Variants in APBB1 observed in about 807,000 individuals in gnomAD.
APBB1 encodes amyloid beta precursor protein binding family B member 1.
A neutral mutation model predicts 78.4 loss-of-function variants in APBB1; 22 were observed. The ratio of observed to expected loss-of-function variants is 0.28; its 90% confidence interval spans 0.20 to 0.40. The LOEUF is 0.40. Ranked by LOEUF, APBB1 falls within the 10% of genes least tolerant of loss-of-function variation. APBB1 has a pLI of 1.00. For synonymous variants in APBB1, 369 were observed against 372.7 expected (o/e 0.99, Z 0.12); for missense variants, 749 against 932.4 (o/e 0.80, Z 2.56).
At chr11:6,402,904 C>A (rs1848604540) in intron 6 of APBB1, 179 bp from the exon 7 acceptor site, 2 of 828,844 alleles carry the variant, frequency 2.4e-6, no homozygotes, top group East Asian at 5.4e-5. Flanking sequence ...AGATGAGACC[C>A]CAGCTAGTAC....
At chr11:6,396,019 C>A in intron 13 of APBB1, 57 bp from the exon 14 acceptor site, 2 of 1,602,022 alleles carry the variant, frequency 1.2e-6, no homozygotes, top group Non-Finnish European at 1.7e-6. Context: ...TGTTCCACAT[C>A]CATCTTAGCA....
intron 1 of APBB1, 72 bp downstream of exon 1, chr11:6,418,913 T>C (rs1037282557): frequency 6.7e-5 from 25 of 373,234 alleles, no homozygotes; most frequent in African/African-American, 5.1e-4. Context: ...GGGTAGGGGC[T>C]ACAGGGTCCG....
Position 6,395,183 on chromosome 11 carries a change from G to A in APBB1, c.*351C>T, listed in dbSNP as rs1025858354. On this transcript the variant is annotated 3_prime_UTR_variant, in exon 15 of 15. Coordinates refer to ENST00000609360, the MANE Select transcript of APBB1 (RefSeq NM_001164.5). The surrounding 1 kb of genome is among the most constrained non-coding windows in gnomAD (Gnocchi z 5.2). The stretch of plus-strand genomic sequence containing the variant: ...ACAGCAGAGGTGCCCATGGAGCAGG[G>A]GGAAGGGACCCATGCCTGGACCAGT... 3.9e-6 allele frequency: 1 copy of A among 253,946 alleles called. No individual in the cohort carries two copies. Among genetic ancestry groups the A allele is most frequent in the Non-Finnish European group, 7.6e-6 (1 of 132,324 alleles). 15.7% of individuals were successfully genotyped at this position (253,946 alleles called of 1,614,324 possible). A position where few individuals can be genotyped will look rare whatever the true frequency, so the allele number is the denominator to read the frequency against.
At chr11:6,398,083 G>A (rs1180116231) in intron 12 of APBB1, among the ~76,000 whole-genome samples, 1 of 152,202 alleles carries the variant, frequency 6.6e-6, no homozygotes, top group East Asian at 1.9e-4. Flanking sequence ...TGGGAAGTTT[G>A]GCAGGGAAGC....
chr11:6,401,906 G>A lies in APBB1; in HGVS notation c.1388+71C>T, dbSNP rs1484458654. 5 of 1,548,466 alleles carry A rather than the reference G, an allele frequency of 3.2e-6. No individual in the cohort carries two copies. The Admixed American group carries it at 7.1e-5, about 22-fold the overall frequency. On this transcript the variant is annotated intron_variant, in intron 9 of 14. Coordinates refer to ENST00000609360, the MANE Select transcript of APBB1 (RefSeq NM_001164.5). This position sits in a 1 kb window ranked among gnomAD's most constrained non-coding sequence, Gnocchi z 4.5. Reference sequence around the variant, plus strand: ...AGCATAGCGGGTGGGAAGGGGCAGGGCAGAAGAGGGGAGCTTGGGTGCTTC... The same window carrying A: ...AGCATAGCGGGTGGGAAGGGGCAGGACAGAAGAGGGGAGCTTGGGTGCTTC...
rs1349575692 is a variant in APBB1 at position 6,395,911 on chromosome 11, C to T, written c.1840G>A (p.Val614Met). ...GCAAACGTGTGGACATCTCTGCCCA[C>T]GGCCAGGAAGGAGAGGAAACGCACC... is the stretch of plus-strand genomic sequence containing the variant. ...CRVRFLSFLA[V>M]GRDVHTFAFI... The change falls in exon 14 of 15, where the codon GTG becomes ATG. Residue 614 changes from valine (V) to methionine (M), a missense_variant. By Grantham distance (21) the Val-to-Met change is conservative. Around this residue, in one of 3 missense-constraint regions of APBB1, gnomAD observed 18 missense variants for 51.4 expected, o/e 0.35. Transcript: ENST00000609360. This position sits in a 1 kb window ranked among gnomAD's most constrained non-coding sequence, Gnocchi z 5.2. 2.5e-6 allele frequency: 4 copies of T among 1,613,954 alleles called. No homozygotes were observed. Among genetic ancestry groups the T allele is most frequent in the Non-Finnish European group, 3.4e-6 (4 of 1,179,990 alleles).
At chr11:6,408,333 A>T (rs1848870956) in intron 2 of APBB1, among the ~76,000 whole-genome samples, 1 of 152,150 alleles carries the variant, frequency 6.6e-6, no homozygotes, top group African/African-American at 2.4e-5. Flanking sequence ...AAAAAAATAG[A>T]AGGGGAACTT....
At chr11:6,410,415 T>C (rs1189999536) in intron 2 of APBB1, among the ~76,000 whole-genome samples, 1 of 152,212 alleles carries the variant, frequency 6.6e-6, no homozygotes, top group African/African-American at 2.4e-5. Context: ...GTGGCATGCA[T>C]AATGAATAGA....
At chr11:6,415,173 A>G (rs950687089) in intron 1 of APBB1, among the ~76,000 whole-genome samples, 1 of 152,252 alleles carries the variant, frequency 6.6e-6, no homozygotes, top group Admixed American at 6.5e-5. Context: ...CATTGGAGTT[A>G]CCAAAGGATG....
intron 1 of APBB1, among the ~76,000 whole-genome samples, chr11:6,412,325 G>A (rs549811265): frequency 2.0e-3 from 297 of 152,248 alleles, no homozygotes; most frequent in Non-Finnish European, 2.5e-3. Flanking sequence ...GGTAATTTTT[G>A]TATTTTTAGT....
intron 1 of APBB1, among the ~76,000 whole-genome samples, chr11:6,415,729 T>G (rs1286490251): frequency 6.6e-6 from 1 of 152,162 alleles, no homozygotes; most frequent in East Asian, 1.9e-4. Flanking sequence ...CTAACCAAAC[T>G]TCAGCACCTA....
Position 6,403,684 on chromosome 11 carries a change from G to A in APBB1, c.860C>T (p.Ser287Phe). Reference sequence around the variant, plus strand: ...TTGGGGGCTGCTCCCCTGTGAGGGGGAGGCCCGGCCGGGGGGTTCCCACTG... The same window carrying A: ...TTGGGGGCTGCTCCCCTGTGAGGGGAAGGCCCGGCCGGGGGGTTCCCACTG... ...TTQWEPPGRASPSQGSSPQEE... is the reference protein window; with the variant it reads ...TTQWEPPGRAFPSQGSSPQEE... Residue 287 changes from serine to phenylalanine, a missense_variant, in exon 3 of 15, where the codon TCC becomes TTC. By Grantham distance (155) the Ser-to-Phe change is radical. Coordinates refer to ENST00000609360, the MANE Select transcript of APBB1 (RefSeq NM_001164.5). This position sits in a 1 kb window ranked among gnomAD's most constrained non-coding sequence, Gnocchi z 5.3. 2 of 1,608,624 alleles carry A rather than the reference G, an allele frequency of 1.2e-6. No individual in the cohort carries two copies. Among genetic ancestry groups the A allele is most frequent in the Non-Finnish European group, 1.7e-6 (2 of 1,176,676 alleles).
chr11:6,402,623 A>G lies in APBB1; in HGVS notation c.1207T>C (p.Tyr403His). 3.7e-6 allele frequency: 6 copies of G among 1,614,036 alleles called. No individual in the cohort carries two copies. Among genetic ancestry groups the G allele is most frequent in the Non-Finnish European group, 5.1e-6 (6 of 1,180,008 alleles). The change falls in exon 7 of 15, where the codon TAC (tyrosine) becomes CAC (histidine). Residue 403 changes from tyrosine to histidine, a missense_variant. Physicochemically the swap from Tyr to His is moderately conservative, Grantham distance 83 (BLOSUM62 2). Coordinates refer to ENST00000609360, the MANE Select transcript of APBB1 (RefSeq NM_001164.5). ...AVNNCIRQLS[Y>H]HKNNLHDPMS... is the part of the protein sequence containing the mutation. ...GGGTCATGCAGGTTGTTTTTGTGGT[A>G]AGAGAGCTGACGGATGCAATTGTTG... is the stretch of plus-strand genomic sequence containing the variant.
chr11:6,403,309 G>A lies in APBB1; in HGVS notation c.1040+10C>T, dbSNP rs373442038. 1.2e-6 allele frequency: 2 copies of A among 1,613,770 alleles called. No individual in the cohort carries two copies. The highest frequency in any genetic ancestry group is 1.7e-6 in the Non-Finnish European group (2 of 1,179,884). On this transcript the variant is annotated intron_variant, in intron 5 of 14. Transcript: ENST00000609360. The surrounding 1 kb of genome is among the most constrained non-coding windows in gnomAD (Gnocchi z 5.3). ...ATCCCACTGCCAGCTCACTGCATCT[G>A]GCAGCTCACCTGAGGCTCTGAGCTG...
chr11:6,398,707 C>T (rs936348026), intron 12 of APBB1, among the ~76,000 whole-genome samples: 9 of 152,230 alleles, frequency 5.9e-5, no homozygotes, highest in Non-Finnish European at 1.2e-4. Context: ...AGCTCCAAGT[C>T]TTTGGCAGTG....
chr11:6,403,323 G>A lies in APBB1; in HGVS notation c.1036C>T (p.Leu346Phe), dbSNP rs1483956034. ...EGTLTFPAQSLSPEPLPQEEE... is the reference protein window; with the variant it reads ...EGTLTFPAQSFSPEPLPQEEE... ...TCACTGCATCTGGCAGCTCACCTGA[G>A]GCTCTGAGCTGGGAAGGTCAACGTC... Residue 346 changes from leucine (L) to phenylalanine (F), a missense_variant, in exon 5 of 15, where the codon CTC becomes TTC. By Grantham distance (22) the Leu-to-Phe change is conservative. Coordinates refer to ENST00000609360, the MANE Select transcript of APBB1 (RefSeq NM_001164.5). This position sits in a 1 kb window ranked among gnomAD's most constrained non-coding sequence, Gnocchi z 5.3. 1.2e-6 allele frequency: 2 copies of A among 1,614,050 alleles called. No homozygotes were observed. The highest frequency in any genetic ancestry group is 1.7e-6 in the Non-Finnish European group (2 of 1,179,974).
At position 6,395,487 on chromosome 11, in the gene APBB1, T is replaced by G. The variant is rs768228775; in HGVS notation, c.*47A>C. 2.0e-6 allele frequency: 3 copies of G among 1,494,474 alleles called. No individual in the cohort carries two copies. The Admixed American group carries it at 7.5e-5, about 37-fold the overall frequency. The allele number at this position is 1,494,474 out of a possible 1,614,324, so 92.6% of individuals were successfully genotyped here. ...CCCCTCCCTGACCCACACCCTTTAG[T>G]TCCCTGGGGCCCAACACAAGCAGGT... On this transcript the variant is annotated 3_prime_UTR_variant, in exon 15 of 15. Coordinates refer to ENST00000609360, the MANE Select transcript of APBB1 (RefSeq NM_001164.5). This position sits in a 1 kb window ranked among gnomAD's most constrained non-coding sequence, Gnocchi z 5.2.
intron 1 of APBB1, among the ~76,000 whole-genome samples, chr11:6,413,519 C>T (rs1337999970): frequency 6.6e-6 from 1 of 152,192 alleles, no homozygotes; most frequent in Non-Finnish European, 1.5e-5. Flanking sequence ...AGGTGCGGTG[C>T]GCCCAGGCTG....
rs1168423944 is a variant in APBB1 at position 6,410,993 on chromosome 11, C to T, written c.355G>A (p.Glu119Lys). 6.2e-7 allele frequency: 1 copy of T among 1,614,086 alleles called. No individual in the cohort carries two copies. Among genetic ancestry groups the T allele is most frequent in the African/African-American group, 1.3e-5 (1 of 74,952 alleles). ...GCGTTGTGAGCTGAGAGCTCCAGCT[C>T]AGAGTACAGGTGTATCAGGCCTTTG... ...GPKGLIHLYS[E>K]LELSAHNAAN... Residue 119 changes from glutamate to lysine, a missense_variant, in exon 2 of 15, where the codon GAG (glutamate) becomes AAG (lysine). Glu to Lys is a moderately conservative substitution (Grantham distance 56, BLOSUM62 1). Around this residue, in one of 3 missense-constraint regions of APBB1, gnomAD observed 635 missense variants for 765.0 expected, o/e 0.83. Transcript: ENST00000609360.
Sources: allele counts gnomAD v4.1 joint callset (sites outside exome capture counted in the v4.1 genomes callset), GRCh38; gene constraint gnomAD v4.1.1; regional missense constraint gnomAD v4.1.1; non-coding constraint Gnocchi (gnomAD v3.1); transcripts MANE v1.5; gene names NCBI Gene and HGNC (gene_info 2026-07-23, HGNC 2026-07-21).